LMAN2L: variants seen among roughly 807,000 people sequenced by gnomAD.
LMAN2L encodes the protein lectin, mannose binding 2 like.
Under a neutral mutation model 44.3 loss-of-function variants are expected in LMAN2L, and 30 were observed. The observed-to-expected ratio is 0.68, with a 90% CI of 0.51 to 0.92. The LOEUF (loss-of-function observed/expected upper bound fraction) is 0.92, where lower values mean the gene tolerates loss of function less well. Among genes scored for constraint, LMAN2L ranks in the 40% least tolerant of loss-of-function variants. LMAN2L has a pLI of 0.00. For missense variants in LMAN2L, 429 were observed against 446.1 expected, an observed-to-expected ratio of 0.96 and a Z score of 0.35; for synonymous variants, 183 against 171.1, an observed-to-expected ratio of 1.07 and a Z score of -0.54.
In LMAN2L at chr2:96,706,796, T is replaced by C. The variant is rs911619610; in HGVS notation, c.*460A>G. 3.9e-5 allele frequency: 6 copies of C among 152,280 alleles called. No homozygotes were observed. Among genetic ancestry groups the C allele is most frequent in the African/African-American group, 9.7e-5 (4 of 41,410 alleles). The allele number at this position is 152,280 out of a possible 1,614,324, so 9.4% of individuals were successfully genotyped here. A position where few individuals can be genotyped will look rare whatever the true frequency, so the allele number is the denominator to read the frequency against. On this transcript the variant is annotated 3_prime_UTR_variant, in exon 8 of 8. Coordinates refer to ENST00000264963, the MANE Select transcript of LMAN2L (RefSeq NM_030805.4). Reference sequence around the variant, plus strand: ...TGGTTTCCAAAGAAAGCTCCTCAGGTAGGCAGAGGGTTGGGTCAAATGCAA... The same window carrying C: ...TGGTTTCCAAAGAAAGCTCCTCAGGCAGGCAGAGGGTTGGGTCAAATGCAA...
chr2:96,726,250 T>C lies in LMAN2L; in HGVS notation c.507+7269A>G, dbSNP rs1404697643. On this transcript the variant is annotated intron_variant, in intron 4 of 7. Coordinates refer to ENST00000264963, the MANE Select transcript of LMAN2L (RefSeq NM_030805.4). Reference sequence around the variant, plus strand: ...CTTCAACCTTGCTAAATTCATTTAGTAGTTCTAATAGGTTTTTTTTTGTGG... The same window carrying C: ...CTTCAACCTTGCTAAATTCATTTAGCAGTTCTAATAGGTTTTTTTTTGTGG... 2.0e-5 allele frequency among the ~76,000 whole-genome samples: 3 copies of C among 151,586 alleles called. No individual in the cohort carries two copies. In the Admixed American group the frequency reaches 2.0e-4, roughly 10 times the overall value.
At position 96,739,883 on chromosome 2, in the gene LMAN2L, CG is replaced by C; in HGVS notation, c.157del (p.Arg53GlyfsTer22). ...GTAGGGCTTCGACAGCGAGTGCTCC[CG>C]TTTCAAGTACTCGAACGTTTGACCC... ...GAGQTFEYLK[R>X]EHSLSKPYQG... On this transcript the variant is annotated frameshift_variant, in exon 1 of 8. Transcript: ENST00000264963. LOFTEE classifies it high-confidence loss of function. 6.2e-7 allele frequency: 1 copy of C among 1,614,006 alleles called. No individual in the cohort carries two copies. Among genetic ancestry groups the C allele is most frequent in the Non-Finnish European group, 8.5e-7 (1 of 1,180,034 alleles).
chr2:96,707,447 T>C (rs376351842), intron 7 of LMAN2L, 49 bp from the exon 8 acceptor site: 9 of 1,569,670 alleles, frequency 5.7e-6, no homozygotes, highest in Non-Finnish European at 7.8e-6. Flanking sequence ...GCCCACCCAA[T>C]AGGGAAGGAT....
intron 4 of LMAN2L, among the ~76,000 whole-genome samples, chr2:96,723,012 T>A (rs1269245876): frequency 6.6e-6 from 1 of 151,884 alleles, no homozygotes; most frequent in Non-Finnish European, 1.5e-5. Context: ...AGAGCAAGAC[T>A]CCATCTCAAA....
In LMAN2L at chr2:96,711,870, A is replaced by G; in HGVS notation, c.663T>C (p.His221=). The G allele has an allele frequency of 6.2e-7, 1 of 1,614,214 alleles. No homozygotes were observed. The highest frequency in any genetic ancestry group is 8.5e-7 in the Non-Finnish European group (1 of 1,180,034). ...CCAGGACAAGGACTCTCACCGTCAA[A>G]TGCCTCTTGACGTAGCGAATCACCA... ...TFLVIRYVKR[H]LTIMMDIDGK... The change falls in exon 5 of 8, where the codon CAT becomes CAC. Residue 221 remains histidine, a synonymous_variant. Transcript: ENST00000264963.
intron 7 of LMAN2L, 65 bp downstream of exon 7, chr2:96,707,649 A>G: frequency 6.3e-7 from 1 of 1,583,906 alleles, no homozygotes; most frequent in Non-Finnish European, 8.6e-7. Context: ...CCTGTGAGCT[A>G]TGGGTACAGC....
chr2:96,718,294 T>C (rs1294371895), intron 4 of LMAN2L, among the ~76,000 whole-genome samples: 1 of 152,234 alleles, frequency 6.6e-6, no homozygotes, highest in African/African-American at 2.4e-5. Context: ...CACAAAATTA[T>C]TATCAAATAA....
At chr2:96,734,351 G>A in intron 3 of LMAN2L, 58 bp downstream of exon 3, 1 of 1,024,868 alleles carries the variant, frequency 9.8e-7, no homozygotes. Flanking sequence ...TTCAAAAAGA[G>A]GGCACATGAA....
intron 4 of LMAN2L, among the ~76,000 whole-genome samples, chr2:96,717,212 T>TACACACAGAC (rs1336092787): frequency 6.6e-6 from 1 of 151,578 alleles, no homozygotes; most frequent in Non-Finnish European, 1.5e-5. Flanking sequence ...GCAAGACACA[T>TACACACAGAC]ACACACAGAC....
At chr2:96,734,032 A>G (rs2078461039) in intron 3 of LMAN2L, among the ~76,000 whole-genome samples, 1 of 152,242 alleles carries the variant, frequency 6.6e-6, no homozygotes, top group Non-Finnish European at 1.5e-5. Flanking sequence ...TAATAGCTCT[A>G]ACACAAGGAA....
chr2:96,723,738 G>A (rs888297200), intron 4 of LMAN2L, among the ~76,000 whole-genome samples: 3 of 152,026 alleles, frequency 2.0e-5, no homozygotes, highest in African/African-American at 2.4e-5. Flanking sequence ...TATTTTACAC[G>A]TGGATAACTA....
At chr2:96,734,665 G>C in intron 2 of LMAN2L, 139 bp from the exon 3 acceptor site, 2 of 633,430 alleles carry the variant, frequency 3.2e-6, no homozygotes, top group South Asian at 3.7e-5. Context: ...TCTAAGACTT[G>C]CTATGTGTTC....
Position 96,707,103 on chromosome 2 carries a change from C to T in LMAN2L, c.*153G>A, listed in dbSNP as rs370511417. 25 of 685,528 alleles carry T rather than the reference C, an allele frequency of 3.6e-5. No homozygotes were observed. The highest frequency in any genetic ancestry group is 1.4e-4 in the South Asian group (6 of 41,988). 42.5% of individuals were successfully genotyped at this position (685,528 alleles called of 1,614,324 possible). On this transcript the variant is annotated 3_prime_UTR_variant, in exon 8 of 8. Coordinates refer to ENST00000264963, the MANE Select transcript of LMAN2L (RefSeq NM_030805.4). The stretch of plus-strand genomic sequence containing the variant: ...GTCCCCATGCACAACCATGGGAATG[C>T]GGGGTCCCTGCATTCAAAACTCCAG...
In LMAN2L at chr2:96,734,479, A is replaced by G. The variant is rs767723222; in HGVS notation, c.354T>C (p.His118=). Residue 118 remains histidine (H), a synonymous_variant, in exon 3 of 8, where the codon CAT becomes CAC. Transcript: ENST00000264963. ...DWELQVHFKI[H]GQGKKNLHGD... ...CATGCAGATTCTTCTTTCCTTGTCC[A>G]TGGATTTTGAAGTGCACCTGCAACT... 2.0e-5 allele frequency: 33 copies of G among 1,613,786 alleles called. No homozygotes were observed. The South Asian group carries it at 2.7e-4, about 13-fold the overall frequency.
intron 4 of LMAN2L, among the ~76,000 whole-genome samples, chr2:96,724,841 A>AT (rs967112761): frequency 1.8e-4 from 26 of 147,496 alleles, no homozygotes; most frequent in Non-Finnish European, 2.5e-4. Flanking sequence ...TTATTTATTT[A>AT]TTTTTTTTTT....
chr2:96,718,831 CTG>C (rs1233782961), intron 4 of LMAN2L, among the ~76,000 whole-genome samples: 1 of 152,210 alleles, frequency 6.6e-6, no homozygotes, highest in African/African-American at 2.4e-5. Context: ...GCTAGGGACT[CTG>C]TCCCCAGGAC....
rs1034134125 is a variant in LMAN2L at position 96,711,707 on chromosome 2, G to T, written c.733C>A (p.Leu245Met). 24 of 1,614,140 alleles carry T rather than the reference G, an allele frequency of 1.5e-5. No individual in the cohort carries two copies. The highest frequency in any genetic ancestry group is 1.9e-5 in the Non-Finnish European group (22 of 1,180,022). Residue 245 changes from leucine (L) to methionine (M), a missense_variant, in exon 6 of 8, where the codon CTG (leucine) becomes ATG (methionine). By Grantham distance (15) the Leu-to-Met change is conservative. Transcript: ENST00000264963. The stretch of plus-strand genomic sequence containing the variant: ...GTGCCGAAGTAGTAGCCGCGGGGCA[G>T]GCGGACTCCGGGCACTTCAATGCAG... The part of the protein sequence containing the change: ...RDCIEVPGVR[L>M]PRGYYFGTSS...
In LMAN2L at chr2:96,740,031, TCGC is replaced by T; in HGVS notation, c.7_9del (p.Ala3del). On this transcript the variant is annotated inframe_deletion, in exon 1 of 8. Coordinates refer to ENST00000264963, the MANE Select transcript of LMAN2L (RefSeq NM_030805.4). ...TGCCACGACCCAAGGGGTCCCAGAG[TCGC>T]CGCCATCTTTCCCACCAACGACCCT... is the stretch of plus-strand genomic sequence containing the variant. 1.2e-6 allele frequency: 2 copies of T among 1,604,786 alleles called. No individual in the cohort carries two copies. Among genetic ancestry groups the T allele is most frequent in the Non-Finnish European group, 1.7e-6 (2 of 1,175,804 alleles).
intron 6 of LMAN2L, among the ~76,000 whole-genome samples, chr2:96,709,088 G>C (rs965998941): frequency 6.6e-6 from 1 of 151,176 alleles, no homozygotes; most frequent in East Asian, 1.9e-4. Flanking sequence ...CTAATTTTTT[G>C]TATTTTTTTT....
Sources: gnomAD v4.1 joint callset for allele counts (sites outside exome capture counted in the v4.1 genomes callset) on GRCh38, gnomAD v4.1.1 for gene constraint, MANE v1.5 for transcripts, NCBI Gene and HGNC (gene_info 2026-07-23, HGNC 2026-07-21) for gene names.